CDK13: variants seen among roughly 807,000 people sequenced by gnomAD.
The protein encoded by CDK13 is cyclin-dependent kinase 13.
CDK13 carries 40 observed loss-of-function variants against 137.6 expected under a neutral mutation model. The observed-to-expected ratio is 0.29, with a 90% CI of 0.23 to 0.38. The LOEUF (loss-of-function observed/expected upper bound fraction) is 0.38, where lower values mean the gene tolerates loss of function less well. Among genes scored for constraint, CDK13 ranks in the 10% least tolerant of loss-of-function variants. The pLI, the probability that CDK13 is intolerant of heterozygous loss-of-function variation, is 1.00. For synonymous variants in CDK13, 869 were observed against 760.1 expected (o/e 1.14, Z -2.36); for missense variants, 1,704 against 1,951.8 (o/e 0.87, Z 2.39).
At chr7:39,979,216 CTTTTTTTTTTTT>C (rs71560152) in intron 1 of CDK13, among the ~76,000 whole-genome samples, 3 of 130,888 alleles carry the variant, frequency 2.3e-5, no homozygotes, top group African/African-American at 8.6e-5. Flanking sequence ...TCTTTTTTTT[CTTTTTTTTTTTT>C]TTTTGAGACA....
intron 9 of CDK13, among the ~76,000 whole-genome samples, chr7:40,077,114 G>A (rs971814562): frequency 3.3e-5 from 5 of 152,238 alleles, no homozygotes; most frequent in South Asian, 4.1e-4. Context: ...ACAGATAAAC[G>A]AGAGTAAAGC....
rs189233103 is a variant in CDK13, at chr7:39,975,944, A to T, written c.1212-11655A>T. On this transcript the variant is annotated intron_variant, in intron 1 of 13. Coordinates refer to ENST00000181839, the MANE Select transcript of CDK13 (RefSeq NM_003718.5). ...AGACATAAAATACAAGCCAACCTGT[A>T]ACAAGTACTGTGTGATCAGCAAATA... Among the ~76,000 whole-genome samples the T allele has an allele frequency of 2.6e-3, 398 of 152,334 alleles. 2 individuals carry two copies. The highest frequency in any genetic ancestry group is 6.8e-3 in the Middle Eastern group (2 of 294).
chr7:40,027,724 C>G (rs1026625015), intron 5 of CDK13, among the ~76,000 whole-genome samples: 1 of 147,126 alleles, frequency 6.8e-6, no homozygotes, highest in African/African-American at 2.6e-5. Context: ...GCTGTGAAGC[C>G]TGCTCTGTTT....
chr7:40,010,307 C>T (rs1016128949), intron 5 of CDK13, among the ~76,000 whole-genome samples: 1 of 152,050 alleles, frequency 6.6e-6, no homozygotes, highest in Non-Finnish European at 1.5e-5. Context: ...AGAGTTTGTG[C>T]TCCTATGAGA....
chr7:39,979,552 C>G (rs937523615), intron 1 of CDK13, among the ~76,000 whole-genome samples: 1 of 151,962 alleles, frequency 6.6e-6, no homozygotes, highest in African/African-American at 2.4e-5. Context: ...ATATGGTACT[C>G]TAGGGAAGTG....
chr7:39,999,195 A>G, intron 3 of CDK13, 166 bp from the exon 4 acceptor site: 1 of 468,846 alleles, frequency 2.1e-6, no homozygotes, highest in East Asian at 3.4e-5. Context: ...ACGATAACTT[A>G]CAATACCAAA....
At chr7:39,976,288 GTCTCTC>G (rs1174858221) in intron 1 of CDK13, among the ~76,000 whole-genome samples, 34 of 29,904 alleles carry the variant, frequency 1.1e-3, no homozygotes, top group African/African-American at 1.2e-3. Context: ...GCGAGATTCC[GTCTCTC>G]TCTCTCTCTC....
intron 7 of CDK13, among the ~76,000 whole-genome samples, chr7:40,050,532 C>T (rs1235454710): frequency 6.6e-6 from 1 of 152,200 alleles, no homozygotes; most frequent in Non-Finnish European, 1.5e-5. Context: ...GCTGGGACTG[C>T]AGATGTGCAC....
intron 9 of CDK13, among the ~76,000 whole-genome samples, chr7:40,063,717 G>A (rs918774779): frequency 1.2e-4 from 18 of 151,738 alleles, no homozygotes; most frequent in East Asian, 2.0e-4. Flanking sequence ...GAGTGCAGTG[G>A]CATGATCTCC....
At chr7:40,052,015 C>G (rs552796022) in intron 7 of CDK13, among the ~76,000 whole-genome samples, 1 of 152,106 alleles carries the variant, frequency 6.6e-6, no homozygotes, top group Admixed American at 6.6e-5. Flanking sequence ...CAATGTTTCC[C>G]TCTTCTTAGT....
At position 39,950,500 on chromosome 7, in the gene CDK13, G is replaced by A. The variant is rs1787111307; in HGVS notation, c.-142G>A. The A allele has an allele frequency of 4.7e-6, 6 of 1,264,342 alleles. No individual in the cohort carries two copies. Among genetic ancestry groups the A allele is most frequent in the Non-Finnish European group, 6.0e-6 (6 of 1,006,014 alleles). The allele number at this position is 1,264,342 out of a possible 1,614,324, so 78.3% of individuals were successfully genotyped here. On this transcript the variant is annotated 5_prime_UTR_variant, in exon 1 of 14. Transcript: ENST00000181839. ...AACCCAGGGACCCGAGTCCCGACCC[G>A]GATTATCGTGGCGCTTTTCCCGGCC...
Position 40,002,187 on chromosome 7 carries a change from T to A in CDK13, c.2353+156T>A. 7.8e-6 allele frequency: 4 copies of A among 513,316 alleles called. No homozygotes were observed. In the South Asian group the frequency reaches 1.2e-4, roughly 16 times the overall value. 31.8% of individuals were successfully genotyped at this position (513,316 alleles called of 1,614,324 possible). A position where few individuals can be genotyped will look rare whatever the true frequency, so the allele number is the denominator to read the frequency against. ...AAGTTTGGTAGAGTTGAATAATGAA[T>A]TGATTTACTTTAGTGGTTTTTGAGT... On this transcript the variant is annotated intron_variant, in intron 5 of 13. Transcript: ENST00000181839.
At chr7:40,004,495 A>G (rs1784757396) in intron 5 of CDK13, among the ~76,000 whole-genome samples, 1 of 152,248 alleles carries the variant, frequency 6.6e-6, no homozygotes, top group Admixed American at 6.5e-5. Flanking sequence ...AAACATAATT[A>G]TTTCTTAAAT....
chr7:40,027,122 T>A (rs1486111119), intron 5 of CDK13, among the ~76,000 whole-genome samples: 1 of 152,216 alleles, frequency 6.6e-6, no homozygotes, highest in Non-Finnish European at 1.5e-5. Context: ...GGCGGGTGGA[T>A]CGCTGGAGGT....
intron 9 of CDK13, among the ~76,000 whole-genome samples, chr7:40,068,701 G>C (rs1434968950): frequency 1.9e-4 from 17 of 90,388 alleles, no homozygotes; most frequent in Non-Finnish European, 1.9e-5. Flanking sequence ...GTGAGACTAT[G>C]TCTCAGAAAA....
intron 5 of CDK13, among the ~76,000 whole-genome samples, chr7:40,007,374 G>A (rs547920302): frequency 8.1e-4 from 124 of 152,290 alleles, no homozygotes; most frequent in African/African-American, 2.9e-3. Flanking sequence ...TACTTGAATT[G>A]CATGTCATAC....
chr7:40,071,345 CTAAAA>C (rs960056261), intron 9 of CDK13: 44 of 152,226 alleles, frequency 2.9e-4, no homozygotes, highest in African/African-American at 1.1e-3. Flanking sequence ...TCTATAGTTT[CTAAAA>C]TAAAAGTTGT....
chr7:39,969,164 C>CA (rs1783940881), intron 1 of CDK13, among the ~76,000 whole-genome samples: 1 of 152,092 alleles, frequency 6.6e-6, no homozygotes, highest in Non-Finnish European at 1.5e-5. Context: ...CACACACCAC[C>CA]ACGCCTGGCT....
intron 7 of CDK13, chr7:40,062,099 G>A (rs1378877648): frequency 2.0e-5 from 3 of 152,120 alleles, no homozygotes; most frequent in Admixed American, 2.0e-4. Flanking sequence ...GAAAACTTTT[G>A]TTAGGTGGTC....
Sources: allele counts gnomAD v4.1 joint callset (sites outside exome capture counted in the v4.1 genomes callset), GRCh38; gene constraint gnomAD v4.1.1; transcripts MANE v1.5; gene names NCBI Gene and HGNC (gene_info 2026-07-23, HGNC 2026-07-21).